PTPRG: variants seen among roughly 807,000 people sequenced by gnomAD.
PTPRG encodes the protein receptor-type tyrosine-protein phosphatase gamma.
A neutral mutation model predicts 165.3 loss-of-function variants in PTPRG; 102 were observed. That is an observed-to-expected ratio of 0.62 (90% CI 0.53 to 0.73). The LOEUF (loss-of-function observed/expected upper bound fraction) is 0.73. Among genes scored for constraint, PTPRG ranks in the 30% least tolerant of loss-of-function variants. The pLI is 0.00. For missense variants in PTPRG, 1,866 were observed against 1,861.4 expected, an observed-to-expected ratio of 1.00 and a Z score of -0.05; for synonymous variants, 675 against 669.5, an observed-to-expected ratio of 1.01 and a Z score of -0.13.
intron 1 of PTPRG, among the ~76,000 whole-genome samples, chr3:61,581,262 TTG>T (rs1434605683): frequency 3.3e-5 from 5 of 152,204 alleles, no homozygotes; most frequent in Non-Finnish European, 7.3e-5. Flanking sequence ...GGGTTTGTTT[TTG>T]TCTTTCTTTC....
Position 62,237,049 on chromosome 3 carries a change from TC to T in PTPRG, c.2375+5739del, listed in dbSNP as rs1191515850. Among the ~76,000 whole-genome samples the T allele has an allele frequency of 6.6e-6, 1 of 152,214 alleles. No homozygotes were observed. Among genetic ancestry groups the T allele is most frequent in the African/African-American group, 2.4e-5 (1 of 41,460 alleles). ...CCAGACATTTCTAATGTTCAGTCTT[TC>T]TGCACTCAAGTTCAGCACTTTGCTT... On this transcript the variant is annotated intron_variant, in intron 14 of 29. Transcript: ENST00000474889. The surrounding 1 kb of genome is among the most constrained non-coding windows in gnomAD (Gnocchi z 4.5).
chr3:62,015,073 C>T (rs778406789), intron 4 of PTPRG, among the ~76,000 whole-genome samples: 19 of 152,210 alleles, frequency 1.2e-4, no homozygotes, highest in Non-Finnish European at 2.5e-4. Flanking sequence ...TTTCTTTCAG[C>T]CATGATGCCA....
At chr3:61,717,896 C>A (rs555083337) in intron 1 of PTPRG, among the ~76,000 whole-genome samples, 1 of 151,992 alleles carries the variant, frequency 6.6e-6, no homozygotes, top group African/African-American at 2.4e-5. Context: ...AAAACTAAGA[C>A]TCGACTGGGT....
chr3:62,122,838 G>A (rs1703128604), intron 5 of PTPRG, among the ~76,000 whole-genome samples: 3 of 152,216 alleles, frequency 2.0e-5, no homozygotes, highest in Admixed American at 6.5e-5. Context: ...CTAGAAGGAG[G>A]GGAAATGCCT....
At chr3:62,140,232 G>A (rs569380474) in intron 6 of PTPRG, among the ~76,000 whole-genome samples, 9 of 152,124 alleles carry the variant, frequency 5.9e-5, no homozygotes, top group Non-Finnish European at 8.8e-5. Flanking sequence ...TTCTGCTGAC[G>A]TTACACATGC....
At chr3:62,263,022 A>C in intron 17 of PTPRG, 128 bp downstream of exon 17, 2 of 689,670 alleles carry the variant, frequency 2.9e-6, no homozygotes, top group Non-Finnish European at 5.0e-6. Context: ...CTAACCTCTC[A>C]TTAGCCCATC....
chr3:62,146,452 A>G (rs529587990), intron 6 of PTPRG, among the ~76,000 whole-genome samples: 8 of 152,150 alleles, frequency 5.3e-5, no homozygotes, highest in African/African-American at 1.7e-4. Context: ...CTAGTTATTC[A>G]TGCCATAGTA....
At chr3:62,268,157 A>G (rs1041626110) in intron 19 of PTPRG, among the ~76,000 whole-genome samples, 3 of 152,058 alleles carry the variant, frequency 2.0e-5, no homozygotes, top group Non-Finnish European at 4.4e-5. Context: ...AAGAGAAGGA[A>G]AGGGTGTTCT....
At chr3:62,037,430 C>T (rs1348651228) in intron 4 of PTPRG, among the ~76,000 whole-genome samples, 1 of 152,192 alleles carries the variant, frequency 6.6e-6, no homozygotes, top group Admixed American at 6.5e-5. Flanking sequence ...TCCCGGACCT[C>T]TAGCCAACAG....
chr3:61,885,674 CT>C (rs1185300994), intron 2 of PTPRG, among the ~76,000 whole-genome samples: 23 of 77,340 alleles, frequency 3.0e-4, no homozygotes, highest in Non-Finnish European at 3.6e-4. Context: ...CTCCTCTCCT[CT>C]CCTCTCCTCT....
intron 1 of PTPRG, among the ~76,000 whole-genome samples, chr3:61,587,450 T>C (rs893489718): frequency 6.6e-6 from 1 of 152,186 alleles, no homozygotes; most frequent in Non-Finnish European, 1.5e-5. Flanking sequence ...GCAGCCGTGA[T>C]GTTTCTTTAC....
At chr3:61,909,123 A>G (rs1228785932) in intron 2 of PTPRG, among the ~76,000 whole-genome samples, 2 of 152,098 alleles carry the variant, frequency 1.3e-5, no homozygotes, top group East Asian at 1.9e-4. Context: ...TTTTGAGATA[A>G]TTTTTTAAGC....
intron 7 of PTPRG, among the ~76,000 whole-genome samples, chr3:62,159,557 C>G (rs1302882094): frequency 6.6e-6 from 1 of 152,074 alleles, no homozygotes; most frequent in Non-Finnish European, 1.5e-5. Context: ...TTTTGATCAC[C>G]ATTTTTGTAA....
At chr3:62,227,808 CTGG>C (rs1394063220) in intron 13 of PTPRG, among the ~76,000 whole-genome samples, 3 of 152,196 alleles carry the variant, frequency 2.0e-5, no homozygotes, top group African/African-American at 7.2e-5. Flanking sequence ...AGGTCAAAAA[CTGG>C]TGGCCTCCAG....
intron 26 of PTPRG, 31 bp downstream of exon 26, chr3:62,277,710 G>A (rs1702276569): frequency 1.2e-6 from 2 of 1,608,894 alleles, no homozygotes; most frequent in Non-Finnish European, 8.5e-7. Flanking sequence ...ATATATTAAT[G>A]AGCCCATGAG....
chr3:62,176,886 C>A (rs2106761653), intron 8 of PTPRG, among the ~76,000 whole-genome samples: 1 of 152,160 alleles, frequency 6.6e-6, no homozygotes, highest in Non-Finnish European at 1.5e-5. Context: ...TCAAGCATAC[C>A]TAGACTGAAA....
chr3:61,795,397 C>T (rs2035012982), intron 2 of PTPRG, among the ~76,000 whole-genome samples: 1 of 151,956 alleles, frequency 6.6e-6, no homozygotes, highest in South Asian at 2.1e-4. Flanking sequence ...AATCCCAGCA[C>T]TTTGGGAGGC....
Position 61,658,345 on chromosome 3 carries a change from G to A in PTPRG, c.86-90533G>A, listed in dbSNP as rs770281346. On this transcript the variant is annotated intron_variant, in intron 1 of 29. Coordinates refer to ENST00000474889, the MANE Select transcript of PTPRG (RefSeq NM_002841.4). ...GGACAGTGGCTAGGTGAGGTCTCAG[G>A]ATCTCAGGTACAAGGTTAGAGGAGG... 5.3e-5 allele frequency among the ~76,000 whole-genome samples: 8 copies of A among 152,268 alleles called. No homozygotes were observed. In the South Asian group the frequency reaches 1.7e-3, roughly 32 times the overall value.
chr3:61,785,121 G>C (rs2107100298), intron 2 of PTPRG, among the ~76,000 whole-genome samples: 1 of 152,292 alleles, frequency 6.6e-6, no homozygotes, highest in South Asian at 2.1e-4. Flanking sequence ...GCTTCTAACA[G>C]GCAACTGCTA....
Sources: allele counts gnomAD v4.1 joint callset (sites outside exome capture counted in the v4.1 genomes callset), GRCh38; gene constraint gnomAD v4.1.1; non-coding constraint Gnocchi (gnomAD v3.1); transcripts MANE v1.5; gene names NCBI Gene and HGNC (gene_info 2026-07-23, HGNC 2026-07-21).